Variants in KLHDC1 observed in about 807,000 individuals in gnomAD.
KLHDC1 encodes the protein kelch domain-containing protein 1.
A neutral mutation model predicts 68.3 loss-of-function variants in KLHDC1; 53 were observed. The observed-to-expected ratio is 0.78, with a 90% CI of 0.62 to 0.98. The LOEUF (loss-of-function observed/expected upper bound fraction) is 0.98, where lower values mean the gene tolerates loss of function less well. KLHDC1 is among the 50% of genes least tolerant of loss of function. The pLI is 0.00. For synonymous variants in KLHDC1, 148 were observed against 159.0 expected (o/e 0.93, Z 0.52); for missense variants, 470 against 492.3 (o/e 0.95, Z 0.43).
intron 1 of KLHDC1, among the ~76,000 whole-genome samples, 165 bp from the exon 2 acceptor site, chr14:49,708,994 T>A (rs1158972848): frequency 6.6e-6 from 1 of 152,090 alleles, no homozygotes; most frequent in Non-Finnish European, 1.5e-5. Flanking sequence ...TTAGAAAATC[T>A]TCTTTCCTTT....
chr14:49,709,290 AC>A lies in KLHDC1; in HGVS notation c.167+62del, dbSNP rs1016881868. The stretch of plus-strand genomic sequence containing the variant: ...ATATCTATTATAAATGTTTCTGTAG[AC>A]TCTAGGGAATTTGAGACCATACTTT... On this transcript the variant is annotated intron_variant, in intron 2 of 12. Coordinates refer to ENST00000359332, the MANE Select transcript of KLHDC1 (RefSeq NM_172193.3). 1.7e-5 allele frequency: 12 copies of A among 724,252 alleles called. No homozygotes were observed. The Admixed American group carries it at 2.5e-4, about 15-fold the overall frequency. The allele number at this position is 724,252 out of a possible 1,614,324, so 44.9% of individuals were successfully genotyped here.
intron 12 of KLHDC1, among the ~76,000 whole-genome samples, chr14:49,747,071 C>T (rs560790185): frequency 3.9e-5 from 6 of 152,050 alleles, no homozygotes; most frequent in East Asian, 1.9e-4. Context: ...CTCAGCCTCC[C>T]GAGTAGCTGG....
chr14:49,713,131 T>C, intron 4 of KLHDC1, among the ~76,000 whole-genome samples: 1 of 151,184 alleles, frequency 6.6e-6, no homozygotes, highest in Middle Eastern at 3.2e-3. Flanking sequence ...TTTTTTTGTA[T>C]CTTTAGTAGA....
At chr14:49,744,425 A>AT (rs1046919680) in intron 12 of KLHDC1, among the ~76,000 whole-genome samples, 2 of 151,958 alleles carry the variant, frequency 1.3e-5, no homozygotes, top group Non-Finnish European at 2.9e-5. Context: ...TAAGCCTGAC[A>AT]TTTTTCACAT....
At chr14:49,717,274 T>C (rs763264459) in intron 4 of KLHDC1, among the ~76,000 whole-genome samples, 6 of 152,222 alleles carry the variant, frequency 3.9e-5, no homozygotes, top group Non-Finnish European at 7.3e-5. Flanking sequence ...TTTAAGTTTT[T>C]GAGGAACCAC....
chr14:49,722,534 A>G (rs555276012), intron 4 of KLHDC1, among the ~76,000 whole-genome samples: 218 of 152,302 alleles, frequency 1.4e-3, no homozygotes, highest in African/African-American at 5.1e-3. Context: ...ATTTGGGTTG[A>G]TTCCAAGTCT....
At chr14:49,724,092 C>G (rs1346779587) in intron 5 of KLHDC1, 140 bp downstream of exon 5, 1 of 580,608 alleles carries the variant, frequency 1.7e-6, no homozygotes, top group African/African-American at 1.9e-5. Flanking sequence ...TGTTTTCTCT[C>G]TTTAACATTT....
At chr14:49,704,382 T>C (rs1186966293) in intron 1 of KLHDC1, among the ~76,000 whole-genome samples, 1 of 136,226 alleles carries the variant, frequency 7.3e-6, no homozygotes, top group African/African-American at 2.6e-5. Flanking sequence ...TTTTTTTCCT[T>C]TTCTGTTTTT....
intron 10 of KLHDC1, among the ~76,000 whole-genome samples, chr14:49,737,968 T>C (rs1243960718): frequency 6.6e-6 from 1 of 152,164 alleles, no homozygotes; most frequent in Non-Finnish European, 1.5e-5. Flanking sequence ...GGAAATTTTT[T>C]TGAGAGTTCT....
At chr14:49,697,833 G>T (rs1313039195) in intron 1 of KLHDC1, among the ~76,000 whole-genome samples, 1 of 152,138 alleles carries the variant, frequency 6.6e-6, no homozygotes, top group East Asian at 1.9e-4. Context: ...TTCCTGTAAA[G>T]TACGTAATAT....
chr14:49,726,947 A>G (rs972587928), intron 6 of KLHDC1, among the ~76,000 whole-genome samples: 13 of 152,162 alleles, frequency 8.5e-5, no homozygotes, highest in Non-Finnish European at 1.8e-4. Flanking sequence ...ACGTCTATAT[A>G]TTAGTCTTAG....
At chr14:49,744,302 GT>G (rs1889140014) in intron 12 of KLHDC1, among the ~76,000 whole-genome samples, 1 of 1,966 alleles carries the variant, frequency 5.1e-4, no homozygotes, top group Non-Finnish European at 9.1e-3. Context: ...ATGTGTGTGT[GT>G]GTGTGTGTGT....
At chr14:49,698,942 A>T (rs1311236579) in intron 1 of KLHDC1, among the ~76,000 whole-genome samples, 25 of 151,844 alleles carry the variant, frequency 1.6e-4, no homozygotes, top group Non-Finnish European at 2.9e-5. Context: ...AGGCGGGTGG[A>T]TCACGAGGGC....
intron 4 of KLHDC1, among the ~76,000 whole-genome samples, chr14:49,723,457 G>A (rs1239476782): frequency 2.6e-5 from 4 of 152,018 alleles, no homozygotes; most frequent in South Asian, 2.1e-4. Flanking sequence ...GCTTGAGCCC[G>A]GGAGGTGGAG....
chr14:49,734,049 A>T (rs959089474), intron 9 of KLHDC1, among the ~76,000 whole-genome samples: 10 of 152,174 alleles, frequency 6.6e-5, no homozygotes, highest in Admixed American at 3.3e-4. Flanking sequence ...GTTTAATATC[A>T]TATCTTCATG....
intron 6 of KLHDC1, among the ~76,000 whole-genome samples, chr14:49,727,401 A>C (rs1257782126): frequency 2.0e-5 from 3 of 152,190 alleles, no homozygotes; most frequent in Non-Finnish European, 2.9e-5. Flanking sequence ...TGTGACTGAT[A>C]AGCTTACCAG....
At position 49,726,492 on chromosome 14, in the gene KLHDC1, G is replaced by C. The variant is rs781405717; in HGVS notation, c.567+723G>C. ...AAAAGTCTTTTAATGAGGTGCCATC[G>C]TCATTCTTTACCCACAAGTGTCATG... On this transcript the variant is annotated intron_variant, in intron 6 of 12. Coordinates refer to ENST00000359332, the MANE Select transcript of KLHDC1 (RefSeq NM_172193.3). 4.6e-5 allele frequency among the ~76,000 whole-genome samples: 7 copies of C among 152,144 alleles called. No individual in the cohort carries two copies. The South Asian group carries it at 1.5e-3, about 32-fold the overall frequency.
At chr14:49,714,458 G>A (rs1462862901) in intron 4 of KLHDC1, among the ~76,000 whole-genome samples, 4 of 151,432 alleles carry the variant, frequency 2.6e-5, no homozygotes, top group African/African-American at 9.7e-5. Context: ...GGGTAACAGA[G>A]CGAGACTCTG....
At chr14:49,695,172 C>G (rs1887702813) in intron 1 of KLHDC1, among the ~76,000 whole-genome samples, 1 of 140,332 alleles carries the variant, frequency 7.1e-6, no homozygotes, top group South Asian at 2.3e-4. Context: ...TCTCCTGCAA[C>G]CTCTGCCTCC....
Sources: gnomAD v4.1 joint callset for allele counts (sites outside exome capture counted in the v4.1 genomes callset) on GRCh38, gnomAD v4.1.1 for gene constraint, MANE v1.5 for transcripts, NCBI Gene and HGNC (gene_info 2026-07-23, HGNC 2026-07-21) for gene names.